The following KIAA0825 variants were observed in gnomAD, a reference collection of about 807,000 sequenced individuals.
KIAA0825 encodes KIAA0825.
Under a neutral mutation model 147.6 loss-of-function variants are expected in KIAA0825, and 119 were observed. The observed-to-expected ratio is 0.81, with a 90% CI of 0.69 to 0.94. The LOEUF is 0.94. Ranked by LOEUF, KIAA0825 falls within the 40% of genes least tolerant of loss-of-function variation. KIAA0825 has a pLI of 0.00. For synonymous variants in KIAA0825, 470 were observed against 518.1 expected, an observed-to-expected ratio of 0.91 and a Z score of 1.26; for missense variants, 1,381 against 1,472.7, an observed-to-expected ratio of 0.94 and a Z score of 1.02.
intron 20 of KIAA0825, among the ~76,000 whole-genome samples, chr5:94,324,514 C>A (rs1780494551): frequency 6.6e-6 from 1 of 151,868 alleles, no homozygotes; most frequent in Non-Finnish European, 1.5e-5. Flanking sequence ...AATAAATATT[C>A]TTTGTTACTA....
intron 12 of KIAA0825, among the ~76,000 whole-genome samples, chr5:94,460,523 CAA>C (rs1398351893): frequency 6.6e-6 from 1 of 152,034 alleles, no homozygotes; most frequent in Admixed American, 6.6e-5. Context: ...CATAGAGTGA[CAA>C]ATGTCAGATA....
chr5:94,454,933 G>T (rs1318310659), intron 12 of KIAA0825, among the ~76,000 whole-genome samples: 1 of 152,124 alleles, frequency 6.6e-6, no homozygotes, highest in Non-Finnish European at 1.5e-5. Context: ...CATGGAGTTG[G>T]TGATGGCATG....
chr5:94,240,074 A>G (rs1775268627), intron 20 of KIAA0825, among the ~76,000 whole-genome samples: 3 of 152,246 alleles, frequency 2.0e-5, no homozygotes, highest in South Asian at 4.1e-4. Flanking sequence ...CACTTTGCAA[A>G]TTAAAAGTGC....
At chr5:94,451,512 T>C (rs1368129419) in intron 13 of KIAA0825, among the ~76,000 whole-genome samples, 5 of 152,224 alleles carry the variant, frequency 3.3e-5, no homozygotes, top group Non-Finnish European at 7.3e-5. Context: ...AGCTGAATAG[T>C]CGTCCCCATG....
At chr5:94,505,998 T>G (rs1765693614) in intron 5 of KIAA0825, among the ~76,000 whole-genome samples, 1 of 152,204 alleles carries the variant, frequency 6.6e-6, no homozygotes, top group Admixed American at 6.5e-5. Flanking sequence ...TTGACTATTG[T>G]CCCCAGGTAG....
At chr5:94,365,974 A>G (rs1052792603) in intron 20 of KIAA0825, among the ~76,000 whole-genome samples, 3 of 152,180 alleles carry the variant, frequency 2.0e-5, no homozygotes, top group Non-Finnish European at 4.4e-5. Flanking sequence ...CACCACCCAG[A>G]TTGATAAACT....
intron 5 of KIAA0825, among the ~76,000 whole-genome samples, chr5:94,502,781 C>T (rs1195088071): frequency 6.6e-6 from 1 of 151,906 alleles, no homozygotes; most frequent in Admixed American, 6.6e-5. Context: ...TGCAAGTGTA[C>T]CCTATAATAA....
intron 20 of KIAA0825, among the ~76,000 whole-genome samples, chr5:94,302,742 C>T (rs1350566315): frequency 6.6e-6 from 1 of 152,032 alleles, no homozygotes; most frequent in Non-Finnish European, 1.5e-5. Flanking sequence ...CCTCTTGGCA[C>T]ATCTCTAACA....
At chr5:94,458,139 T>TAAA (rs1759353624) in intron 12 of KIAA0825, among the ~76,000 whole-genome samples, 1 of 152,142 alleles carries the variant, frequency 6.6e-6, no homozygotes, top group Admixed American at 6.5e-5. Context: ...TAAACAGAAT[T>TAAA]CTAAGTAGCT....
intron 20 of KIAA0825, among the ~76,000 whole-genome samples, chr5:94,176,683 C>T (rs977751126): frequency 6.6e-6 from 1 of 151,980 alleles, no homozygotes; most frequent in Non-Finnish European, 1.5e-5. Context: ...TTCACATTAG[C>T]TAGAACAGGA....
At chr5:94,525,984 G>C (rs1366819855) in intron 3 of KIAA0825, among the ~76,000 whole-genome samples, 1 of 151,866 alleles carries the variant, frequency 6.6e-6, no homozygotes, top group Non-Finnish European at 1.5e-5. Context: ...TAAAATGTCA[G>C]AACTAATTAT....
intron 20 of KIAA0825, among the ~76,000 whole-genome samples, chr5:94,248,076 A>G (rs577156145): frequency 2.0e-5 from 3 of 152,270 alleles, no homozygotes; most frequent in Admixed American, 2.0e-4. Flanking sequence ...AAGCAAAGAA[A>G]GCAATAAAGT....
chr5:94,538,911 A>G (rs1001890420), intron 2 of KIAA0825, among the ~76,000 whole-genome samples: 1 of 152,190 alleles, frequency 6.6e-6, no homozygotes, highest in Non-Finnish European at 1.5e-5. Context: ...TTACAGCTAC[A>G]GTGGAATTGC....
chr5:94,279,528 A>C (rs1315306807), intron 20 of KIAA0825, among the ~76,000 whole-genome samples: 1 of 152,044 alleles, frequency 6.6e-6, no homozygotes, highest in Non-Finnish European at 1.5e-5. Flanking sequence ...GACCAACTGC[A>C]TCATCCATCA....
chr5:94,152,537 A>C lies in KIAA0825; in HGVS notation c.*1470T>G, dbSNP rs776007077. On this transcript the variant is annotated 3_prime_UTR_variant, in exon 21 of 21. Coordinates refer to ENST00000682413, the MANE Select transcript of KIAA0825 (RefSeq NM_001145678.3). ...ACCCCATCTCTACAAAAACATTTTA[A>C]AAATTAACCAGGTGTGGTGGCACAC... 7.3e-5 allele frequency among the ~76,000 whole-genome samples: 11 copies of C among 151,660 alleles called. No individual in the cohort carries two copies. The highest frequency in any genetic ancestry group is 1.5e-4 in the Non-Finnish European group (10 of 67,938).
intron 20 of KIAA0825, among the ~76,000 whole-genome samples, chr5:94,167,414 C>A (rs1768149250): frequency 6.6e-6 from 1 of 152,086 alleles, no homozygotes; most frequent in African/African-American, 2.4e-5. Context: ...TGTACTGAAT[C>A]TCTAAAGTAG....
chr5:94,434,812 T>C (rs1335154502), intron 14 of KIAA0825, among the ~76,000 whole-genome samples: 1 of 152,176 alleles, frequency 6.6e-6, no homozygotes, highest in African/African-American at 2.4e-5. Flanking sequence ...ATGATAATGG[T>C]ATTAATTCAT....
At chr5:94,263,166 C>A (rs1776583787) in intron 20 of KIAA0825, among the ~76,000 whole-genome samples, 1 of 152,034 alleles carries the variant, frequency 6.6e-6, no homozygotes. Flanking sequence ...AGACATCCAA[C>A]CAGAAAAAAA....
At chr5:94,232,900 T>C (rs911496530) in intron 20 of KIAA0825, among the ~76,000 whole-genome samples, 1 of 152,176 alleles carries the variant, frequency 6.6e-6, no homozygotes, top group East Asian at 1.9e-4. Context: ...CTTATCTTAA[T>C]AAATTCATTT....
Sources: allele counts gnomAD v4.1 joint callset (sites outside exome capture counted in the v4.1 genomes callset), GRCh38; gene constraint gnomAD v4.1.1; transcripts MANE v1.5; gene names NCBI Gene and HGNC (gene_info 2026-07-23, HGNC 2026-07-21).